Variants in MARK1 observed in about 807,000 individuals in gnomAD.
MARK1 encodes the protein serine/threonine-protein kinase MARK1.
MARK1 carries 40 observed loss-of-function variants against 96.3 expected under a neutral mutation model. The observed-to-expected ratio is 0.42, with a 90% CI of 0.32 to 0.54. MARK1 has a LOEUF of 0.54. Among genes scored for constraint, MARK1 ranks in the 20% least tolerant of loss-of-function variants. The probability of loss-of-function intolerance (pLI) is 0.16; values close to 1 mark genes in which losing one functional copy is unlikely to be tolerated. For missense variants in MARK1, 719 were observed against 984.6 expected (o/e 0.73, Z 3.61); for synonymous variants, 317 against 341.2 (o/e 0.93, Z 0.78).
intron 1 of MARK1, among the ~76,000 whole-genome samples, chr1:220,535,053 TGTTA>T (rs1401619749): frequency 6.6e-6 from 1 of 152,082 alleles, no homozygotes; most frequent in East Asian, 1.9e-4. Flanking sequence ...AATGGTCGTA[TGTTA>T]GTTCTATTGT....
intron 13 of MARK1, among the ~76,000 whole-genome samples, chr1:220,649,429 A>G (rs1409402001): frequency 6.6e-6 from 1 of 152,048 alleles, no homozygotes; most frequent in African/African-American, 2.4e-5. Flanking sequence ...GGGTTTTGCC[A>G]TGTTGCCTAG....
Position 220,650,714 on chromosome 1 carries a change from A to C in MARK1, c.1565A>C (p.Asp522Ala). 1 of 1,611,992 alleles carries C rather than the reference A, an allele frequency of 6.2e-7. No individual in the cohort carries two copies. The highest frequency in any genetic ancestry group is 8.5e-7 in the Non-Finnish European group (1 of 1,178,238). The part of the protein sequence containing the change: ...DRYVALQNGK[D>A]SSLTEMSVSS... ...TACGTAGCATTGCAGAATGGAAAAG[A>C]CAGCAGGTAAATGCCACAGTGCCAA... Residue 522 changes from aspartate (D) to alanine (A), a missense_variant, in exon 14 of 18, where the codon GAC becomes GCC. Around this residue, in one of 4 missense-constraint regions of MARK1, gnomAD observed 501 missense variants for 588.3 expected, o/e 0.85. Transcript: ENST00000366917.
In MARK1 at chr1:220,664,337, A is replaced by G. The variant is rs553989478; in HGVS notation, c.*2171A>G. ...TTCAAAGATTTAGAGGAATTTTGCAATGTGTTTGCATAAATAAATACCAGT... is the reference window on the plus strand; with the variant it reads ...TTCAAAGATTTAGAGGAATTTTGCAGTGTGTTTGCATAAATAAATACCAGT... On this transcript the variant is annotated 3_prime_UTR_variant, in exon 18 of 18. Transcript: ENST00000366917. The G allele has an allele frequency of 1.3e-5, 2 of 152,300 alleles. No individual in the cohort carries two copies. 9.4% of individuals were successfully genotyped at this position (152,300 alleles called of 1,614,324 possible).
chr1:220,531,381 G>A (rs1660305535), intron 1 of MARK1, among the ~76,000 whole-genome samples: 1 of 152,008 alleles, frequency 6.6e-6, no homozygotes, highest in African/African-American at 2.4e-5. Context: ...GTATATCAAG[G>A]ACACTAACTA....
chr1:220,649,733 T>C (rs1201489911), intron 13 of MARK1, among the ~76,000 whole-genome samples: 4 of 152,158 alleles, frequency 2.6e-5, no homozygotes, highest in African/African-American at 7.2e-5. Context: ...TTCAAGCAAG[T>C]ATCTATTAAG....
At chr1:220,531,187 T>C (rs1029136994) in intron 1 of MARK1, among the ~76,000 whole-genome samples, 1 of 152,218 alleles carries the variant, frequency 6.6e-6, no homozygotes, top group African/African-American at 2.4e-5. Flanking sequence ...AATGGCATCA[T>C]CCATTTTTAC....
intron 1 of MARK1, among the ~76,000 whole-genome samples, chr1:220,568,787 A>T (rs1301193626): frequency 2.0e-5 from 3 of 152,112 alleles, no homozygotes. Flanking sequence ...CATACCATAC[A>T]TACATAACCA....
At chr1:220,657,700 C>T in intron 16 of MARK1, 90 bp from the exon 17 acceptor site, 2 of 921,256 alleles carry the variant, frequency 2.2e-6, no homozygotes, top group South Asian at 1.9e-5. Flanking sequence ...GTTTGCTCAA[C>T]AAGCTAATTT....
At chr1:220,598,215 C>A (rs1572150090) in intron 3 of MARK1, 116 bp from the exon 4 acceptor site, 2 of 372,732 alleles carry the variant, frequency 5.4e-6, no homozygotes, top group Non-Finnish European at 1.1e-5. Flanking sequence ...CAATGCATTG[C>A]CAGAATCCTG....
intron 3 of MARK1, among the ~76,000 whole-genome samples, chr1:220,585,868 AT>A (rs1664563036): frequency 6.6e-6 from 1 of 151,868 alleles, no homozygotes; most frequent in African/African-American, 2.4e-5. Context: ...TGCTGATTTT[AT>A]TTCTTGTATC....
At position 220,663,369 on chromosome 1, in the gene MARK1, G is replaced by T. The variant is rs928787123; in HGVS notation, c.*1203G>T. On this transcript the variant is annotated 3_prime_UTR_variant, in exon 18 of 18. Coordinates refer to ENST00000366917, the MANE Select transcript of MARK1 (RefSeq NM_018650.5). ...CATTATGCCTATAATGTGCCGCTTT[G>T]TGATTGGGCATTTGCCTACTTTTCT... is the stretch of plus-strand genomic sequence containing the variant. The T allele has an allele frequency of 6.6e-6, 1 of 152,492 alleles. No individual in the cohort carries two copies. The highest frequency in any genetic ancestry group is 1.5e-5 in the Non-Finnish European group (1 of 68,010). The allele number at this position is 152,492 out of a possible 1,614,324, so 9.4% of individuals were successfully genotyped here.
intron 17 of MARK1, among the ~76,000 whole-genome samples, chr1:220,659,002 A>G (rs1227867292): frequency 6.6e-6 from 1 of 152,074 alleles, no homozygotes; most frequent in Admixed American, 6.6e-5. Context: ...ATTTCCACTA[A>G]ATTTCCCTCT....
intron 1 of MARK1, among the ~76,000 whole-genome samples, chr1:220,556,485 CAAA>C (rs55808704): frequency 4.7e-5 from 4 of 85,816 alleles, no homozygotes; most frequent in Admixed American, 1.5e-4. Flanking sequence ...GGGACTGTCA[CAAA>C]AAAAAAAAAA....
intron 1 of MARK1, among the ~76,000 whole-genome samples, chr1:220,577,168 C>G (rs926963811): frequency 1.3e-5 from 2 of 152,064 alleles, no homozygotes; most frequent in East Asian, 1.9e-4. Context: ...GTAGTCCCAG[C>G]TACTCAAGAG....
rs879902580 is a variant in MARK1, at chr1:220,528,389, C to T, written c.-434C>T. The T allele has an allele frequency of 2.3e-4, 38 of 162,766 alleles. No homozygotes were observed. The East Asian group carries it at 6.7e-3, about 29-fold the overall frequency. The allele number at this position is 162,766 out of a possible 1,614,324, so 10.1% of individuals were successfully genotyped here. A position where few individuals can be genotyped will look rare whatever the true frequency, so the allele number is the denominator to read the frequency against. On this transcript the variant is annotated 5_prime_UTR_variant, in exon 1 of 18. Transcript: ENST00000366917. ...CGGGGCGCGGCGCGGGTGACGCTGT[C>T]AGGGCCGCGGTTCCTGACGCCCAGG... is the stretch of plus-strand genomic sequence containing the variant.
intron 13 of MARK1, among the ~76,000 whole-genome samples, chr1:220,637,984 T>G (rs1668063500): frequency 6.6e-6 from 1 of 152,208 alleles, no homozygotes; most frequent in African/African-American, 2.4e-5. Context: ...TGAATATGTA[T>G]GTATGATATG....
intron 9 of MARK1, among the ~76,000 whole-genome samples, chr1:220,628,550 T>G (rs1312517146): frequency 6.6e-6 from 1 of 152,214 alleles, no homozygotes; most frequent in Non-Finnish European, 1.5e-5. Context: ...TTTCCTCGCC[T>G]TCCATGTCAT....
intron 1 of MARK1, among the ~76,000 whole-genome samples, chr1:220,559,882 G>GTAA (rs2102771806): frequency 1.9e-5 from 1 of 51,386 alleles, no homozygotes; most frequent in African/African-American, 5.0e-5. Context: ...AGAGTAAAGT[G>GTAA]AGTGTACAGT....
intron 3 of MARK1, among the ~76,000 whole-genome samples, chr1:220,589,000 C>T (rs1351411581): frequency 1.3e-5 from 2 of 152,200 alleles, no homozygotes; most frequent in African/African-American, 4.8e-5. Flanking sequence ...GAACTGTATG[C>T]CAGCCTTCTA....
Sources: allele counts gnomAD v4.1 joint callset (sites outside exome capture counted in the v4.1 genomes callset), GRCh38; gene constraint gnomAD v4.1.1; regional missense constraint gnomAD v4.1.1; transcripts MANE v1.5; gene names NCBI Gene and HGNC (gene_info 2026-07-23, HGNC 2026-07-21).